The following PIK3CA variants were observed in gnomAD, a reference collection of about 807,000 sequenced individuals.
The protein encoded by PIK3CA is phosphatidylinositol 4,5-bisphosphate 3-kinase catalytic subunit alpha isoform.
PIK3CA carries 27 observed loss-of-function variants against 138.2 expected under a neutral mutation model. That is an observed-to-expected ratio of 0.20 (90% CI 0.14 to 0.27). The LOEUF is 0.27. PIK3CA is among the 10% of genes least tolerant of loss of function. The probability of loss-of-function intolerance (pLI) is 1.00; values close to 1 mark genes in which losing one functional copy is unlikely to be tolerated. For missense variants in PIK3CA, 544 were observed against 1,277.4 expected (o/e 0.43, Z 8.75); for synonymous variants, 358 against 413.2 (o/e 0.87, Z 1.62).
chr3:179,158,470 G>A lies in PIK3CA; in HGVS notation c.-77+9867G>A, dbSNP rs538118546. ...CATTGAAGCAGTTTTGTTTTGTGCTGTTAGATACTTCCTTTCCCTGTCTTG... is the reference window on the plus strand; with the variant it reads ...CATTGAAGCAGTTTTGTTTTGTGCTATTAGATACTTCCTTTCCCTGTCTTG... On this transcript the variant is annotated intron_variant, in intron 1 of 20. Transcript: ENST00000263967. Among the ~76,000 whole-genome samples the A allele has an allele frequency of 2.6e-5, 4 of 152,108 alleles. No homozygotes were observed. In the East Asian group the frequency reaches 7.7e-4, roughly 29 times the overall value.
chr3:179,219,621 G>A lies in PIK3CA; in HGVS notation c.1797G>A (p.Met599Ile). The A allele has an allele frequency of 1.3e-6, 2 of 1,595,096 alleles. No individual in the cohort carries two copies. Among genetic ancestry groups the A allele is most frequent in the South Asian group, 1.1e-5 (1 of 90,616 alleles). Residue 599 changes from methionine to isoleucine, a missense_variant, in exon 12 of 21, where the codon ATG becomes ATA. Met to Ile is a conservative substitution (Grantham distance 10, BLOSUM62 1). Transcript: ENST00000263967. This position sits in a 1 kb window ranked among gnomAD's most constrained non-coding sequence, Gnocchi z 4.2. ...DWPPIKPEQA[M>I]ELLDCNYPDP... Reference sequence around the variant, plus strand: ...CTCCAATCAAACCTGAACAGGCTATGGAACTTCTGGACTGTAATTACCCAG... The same window carrying A: ...CTCCAATCAAACCTGAACAGGCTATAGAACTTCTGGACTGTAATTACCCAG...
chr3:179,219,802 T>C lies in PIK3CA; in HGVS notation c.1911+67T>C. ...ATAATTTATTCTAGATCCATACAAC[T>C]TCCTTTTAAAAAACCTACTGCACTA... On this transcript the variant is annotated intron_variant, in intron 12 of 20. Coordinates refer to ENST00000263967, the MANE Select transcript of PIK3CA (RefSeq NM_006218.4). This position sits in a 1 kb window ranked among gnomAD's most constrained non-coding sequence, Gnocchi z 4.2. 1 of 1,428,246 alleles carries C rather than the reference T, an allele frequency of 7.0e-7. No individual in the cohort carries two copies. The highest frequency in any genetic ancestry group is 9.6e-7 in the Non-Finnish European group (1 of 1,046,862). 88.5% of individuals were successfully genotyped at this position (1,428,246 alleles called of 1,614,324 possible). A position where few individuals can be genotyped will look rare whatever the true frequency, so the allele number is the denominator to read the frequency against.
At chr3:179,201,675 G>T (rs543594005) in intron 4 of PIK3CA, 135 bp downstream of exon 4, 1 of 585,718 alleles carries the variant, frequency 1.7e-6, no homozygotes, top group Non-Finnish European at 2.9e-6. Context: ...GCGCGATCTC[G>T]GCTCACTGCA....
At chr3:179,157,744 C>T (rs1422472096) in intron 1 of PIK3CA, among the ~76,000 whole-genome samples, 13 of 152,066 alleles carry the variant, frequency 8.5e-5, no homozygotes, top group Non-Finnish European at 1.5e-4. Context: ...ACTTAGACTT[C>T]TTTAATTTTC....
In PIK3CA at chr3:179,220,936, CTGATT is replaced by C. The variant is rs1395127568; in HGVS notation, c.2016-48_2016-44del. On this transcript the variant is annotated intron_variant, in intron 13 of 20. Transcript: ENST00000263967. This position sits in a 1 kb window ranked among gnomAD's most constrained non-coding sequence, Gnocchi z 4.1. ...TTGTTTAGCAAAGATTATTTGTATACTGATTTAAGACTATATATATATATTTTTAA... is the reference window on the plus strand; with the variant it reads ...TTGTTTAGCAAAGATTATTTGTATACTAAGACTATATATATATATTTTTAA... The C allele has an allele frequency of 2.7e-6, 3 of 1,127,240 alleles. No individual in the cohort carries two copies. The highest frequency in any genetic ancestry group is 3.6e-6 in the Non-Finnish European group (3 of 822,724). The allele number at this position is 1,127,240 out of a possible 1,614,324, so 69.8% of individuals were successfully genotyped here.
chr3:179,165,763 T>C (rs997601940), intron 1 of PIK3CA, among the ~76,000 whole-genome samples: 4 of 152,200 alleles, frequency 2.6e-5, no homozygotes, highest in African/African-American at 9.6e-5. Context: ...TCTGAACTGC[T>C]ACATGCTCAC....
intron 9 of PIK3CA, among the ~76,000 whole-genome samples, chr3:179,212,718 G>A (rs1368129559): frequency 6.6e-6 from 1 of 152,014 alleles, no homozygotes; most frequent in African/African-American, 2.4e-5. Context: ...TAGGATTACA[G>A]GTGTGAGCCA....
chr3:179,195,948 A>G (rs1366791377), intron 1 of PIK3CA, among the ~76,000 whole-genome samples: 1 of 152,230 alleles, frequency 6.6e-6, no homozygotes, highest in South Asian at 2.1e-4. Context: ...AAAAGCTGTC[A>G]TTCTGTCTAC....
intron 1 of PIK3CA, among the ~76,000 whole-genome samples, chr3:179,171,718 A>G (rs1723563485): frequency 6.6e-6 from 1 of 152,290 alleles, no homozygotes; most frequent in East Asian, 1.9e-4. Flanking sequence ...ATAGACCTAT[A>G]TAGAGTAAAT....
chr3:179,226,338 A>G (rs1010748543), intron 17 of PIK3CA, among the ~76,000 whole-genome samples: 13 of 152,152 alleles, frequency 8.5e-5, no homozygotes, highest in Non-Finnish European at 1.9e-4. Flanking sequence ...TTCAGAAATT[A>G]AGAGTTTAAA....
chr3:179,160,736 A>G (rs533480633), intron 1 of PIK3CA, among the ~76,000 whole-genome samples: 10 of 152,312 alleles, frequency 6.6e-5, no homozygotes, highest in South Asian at 4.1e-4. Flanking sequence ...ACAACACACA[A>G]TTTTGTACAG....
chr3:179,209,820 T>C, intron 7 of PIK3CA, 120 bp downstream of exon 7: 1 of 482,970 alleles, frequency 2.1e-6, no homozygotes, highest in Non-Finnish European at 3.6e-6. Context: ...AATAAACCTA[T>C]TTTTAAAATT....
intron 1 of PIK3CA, among the ~76,000 whole-genome samples, chr3:179,157,871 C>T (rs763434877): frequency 3.9e-5 from 6 of 152,036 alleles, no homozygotes; most frequent in East Asian, 3.8e-4. Flanking sequence ...AAATATTCTC[C>T]GGGTAATACG....
rs200211358 is a variant in PIK3CA at position 179,221,696 on chromosome 3, CTTTTTT to C, written c.2187+563_2187+568del. On this transcript the variant is annotated intron_variant, in intron 14 of 20. Coordinates refer to ENST00000263967, the MANE Select transcript of PIK3CA (RefSeq NM_006218.4). The stretch of plus-strand genomic sequence containing the variant: ...CTAAGAGTAGGAAATACAATGTAAA[CTTTTTT>C]TTTTTTTTTTTTTTTTTTTTTTTGA... 1.2e-4 allele frequency among the ~76,000 whole-genome samples: 9 copies of C among 77,582 alleles called. No homozygotes were observed. In the South Asian group the frequency reaches 1.3e-3, roughly 11 times the overall value. The allele number at this position is 77,582 out of a possible 152,430, so 50.9% of individuals were successfully genotyped here. A position where few individuals can be genotyped will look rare whatever the true frequency, so the allele number is the denominator to read the frequency against.
At chr3:179,186,508 A>G (rs761740725) in intron 1 of PIK3CA, among the ~76,000 whole-genome samples, 1 of 152,174 alleles carries the variant, frequency 6.6e-6, no homozygotes, top group Non-Finnish European at 1.5e-5. Context: ...GCCCTTTTAT[A>G]CTTTTTTCTT....
intron 1 of PIK3CA, among the ~76,000 whole-genome samples, chr3:179,175,821 C>G (rs1046981190): frequency 6.6e-6 from 1 of 151,486 alleles, no homozygotes; most frequent in African/African-American, 2.4e-5. Context: ...CCATCATTCT[C>G]TGTTTCTCAC....
intron 1 of PIK3CA, among the ~76,000 whole-genome samples, chr3:179,189,956 C>A (rs1232578615): frequency 6.6e-6 from 1 of 152,152 alleles, no homozygotes; most frequent in Non-Finnish European, 1.5e-5. Context: ...TTACAGCTGT[C>A]CCTTTGGACT....
At chr3:179,152,248 A>G (rs763941153) in intron 1 of PIK3CA, among the ~76,000 whole-genome samples, 1 of 152,226 alleles carries the variant, frequency 6.6e-6, no homozygotes, top group East Asian at 1.9e-4. Flanking sequence ...CCTCAGACAT[A>G]TACACACACA....
Position 179,163,715 on chromosome 3 carries a change from C to G in PIK3CA, c.-77+15112C>G, listed in dbSNP as rs886547831. Among the ~76,000 whole-genome samples the G allele has an allele frequency of 3.3e-5, 5 of 151,946 alleles. 1 individual carries two copies. Among genetic ancestry groups the G allele is most frequent in the African/African-American group, 9.6e-5 (4 of 41,452 alleles). On this transcript the variant is annotated intron_variant, in intron 1 of 20. Coordinates refer to ENST00000263967, the MANE Select transcript of PIK3CA (RefSeq NM_006218.4). ...GGGCTCATTTACTAAAGAGGAAATG[C>G]AGGTACAAGCATAAGGGACATGTTT...
Sources: gnomAD v4.1 joint callset for allele counts (sites outside exome capture counted in the v4.1 genomes callset) on GRCh38, gnomAD v4.1.1 for gene constraint, Gnocchi (gnomAD v3.1) non-coding constraint, MANE v1.5 for transcripts, NCBI Gene and HGNC (gene_info 2026-07-23, HGNC 2026-07-21) for gene names.